The following DNAH7 variants were observed in gnomAD, a reference collection of about 807,000 sequenced individuals.
DNAH7 encodes axonemal beta dynein heavy chain 7.
Under a neutral mutation model 444.6 loss-of-function variants are expected in DNAH7, and 397 were observed. That is an observed-to-expected ratio of 0.89 (90% CI 0.82 to 0.97). The LOEUF (loss-of-function observed/expected upper bound fraction) is 0.97, where lower values mean the gene tolerates loss of function less well. Ranked by LOEUF, DNAH7 falls within the 50% of genes least tolerant of loss-of-function variation. The pLI is 0.00. For synonymous variants in DNAH7, 1,636 were observed against 1,624.4 expected (o/e 1.01, Z -0.17); for missense variants, 4,902 against 4,800.8 (o/e 1.02, Z -0.62).
rs748586368 is a variant in DNAH7 at position 195,872,305 on chromosome 2, GACAA to G, written c.6574_6577del (p.Leu2192GlnfsTer11). 8.7e-6 allele frequency: 14 copies of G among 1,613,688 alleles called. No individual in the cohort carries two copies. The highest frequency in any genetic ancestry group is 3.3e-4 in the Middle Eastern group (2 of 6,080). On this transcript the variant is annotated frameshift_variant, in exon 40 of 65. Transcript: ENST00000312428. LOFTEE classifies it high-confidence loss of function. ...TGTGGTTTCTGTTGTTTCTGGTCTT[GACAA>G]ACAAACACCTTGAATGACACGGGAG...
chr2:195,992,901 C>A (rs1470252794), intron 12 of DNAH7, among the ~76,000 whole-genome samples: 1 of 152,196 alleles, frequency 6.6e-6, no homozygotes, highest in Admixed American at 6.5e-5. Flanking sequence ...CAACTCATTC[C>A]TTCATAGAGG....
chr2:195,946,177 G>A (rs1689790700), intron 19 of DNAH7, among the ~76,000 whole-genome samples: 1 of 152,154 alleles, frequency 6.6e-6, no homozygotes, highest in Non-Finnish European at 1.5e-5. Flanking sequence ...AGTGGGTAGG[G>A]AAGATGAATT....
chr2:195,864,032 G>A, intron 41 of DNAH7, 117 bp downstream of exon 41: 1 of 927,840 alleles, frequency 1.1e-6, no homozygotes, highest in Non-Finnish European at 1.6e-6. Context: ...CTGATCAGAA[G>A]ATTCTGCTAA....
intron 50 of DNAH7, 74 bp downstream of exon 50, chr2:195,817,622 C>G (rs1227999325): frequency 5.6e-6 from 8 of 1,422,692 alleles, no homozygotes; most frequent in Non-Finnish European, 9.4e-7. Flanking sequence ...CAAAAGAGAT[C>G]TGTAAAATGT....
chr2:195,895,157 G>A lies in DNAH7; in HGVS notation c.4715C>T (p.Ala1572Val). ...CATGGAGGCACAATTGTCTTTGATA[G>A]CTGCCAGCAAATCATTGTAATCTGG... is the stretch of plus-strand genomic sequence containing the variant. ...PKPDYNDLLA[A>V]IKDNCASMNL... Residue 1572 changes from alanine (A) to valine (V), a missense_variant, in exon 30 of 65, where the codon GCT becomes GTT. Coordinates refer to ENST00000312428, the MANE Select transcript of DNAH7 (RefSeq NM_018897.3). 1.2e-6 allele frequency: 2 copies of A among 1,613,036 alleles called. No homozygotes were observed. Among genetic ancestry groups the A allele is most frequent in the Non-Finnish European group, 1.7e-6 (2 of 1,179,334 alleles).
Position 195,897,767 on chromosome 2 carries a change from T to TAAAAAAA in DNAH7, c.4549-9_4549-3dup. The TAAAAAAA allele has an allele frequency of 1.7e-6, 2 of 1,145,486 alleles. No homozygotes were observed. Among genetic ancestry groups the TAAAAAAA allele is most frequent in the Non-Finnish European group, 2.4e-6 (2 of 831,640 alleles). The allele number at this position is 1,145,486 out of a possible 1,614,324, so 71.0% of individuals were successfully genotyped here. Reference sequence around the variant, plus strand: ...TTCATTTTCATTTGGATATTTCAGCTAAAAAAAAAAAAAAAAACTCATGAG... The same window carrying TAAAAAAA: ...TTCATTTTCATTTGGATATTTCAGCTAAAAAAAAAAAAAAAAAAAAAAAACTCATGAG... On this transcript the variant is annotated splice_region_variant and splice_polypyrimidine_tract_variant and intron_variant, in intron 28 of 64. Transcript: ENST00000312428.
Position 196,000,884 on chromosome 2 carries a change from C to A in DNAH7, c.1174-1G>T. On this transcript the variant is annotated splice_acceptor_variant, in intron 11 of 64. Coordinates refer to ENST00000312428, the MANE Select transcript of DNAH7 (RefSeq NM_018897.3). LOFTEE classifies it high-confidence loss of function. ...GATGTTCAAAAGCTCTAACAGAATCCTGCAAAAAATTAAAAAATTTACATA... is the reference window on the plus strand; with the variant it reads ...GATGTTCAAAAGCTCTAACAGAATCATGCAAAAAATTAAAAAATTTACATA... The A allele has an allele frequency of 6.4e-7, 1 of 1,555,542 alleles. No individual in the cohort carries two copies. The highest frequency in any genetic ancestry group is 8.7e-7 in the Non-Finnish European group (1 of 1,155,848).
intron 3 of DNAH7, among the ~76,000 whole-genome samples, chr2:196,049,292 A>C (rs1365907870): frequency 6.6e-6 from 1 of 152,208 alleles, no homozygotes. Context: ...GGAAAATAGG[A>C]TAAGAAAACA....
chr2:195,831,263 C>CT (rs1042951247), intron 48 of DNAH7, among the ~76,000 whole-genome samples: 1 of 152,024 alleles, frequency 6.6e-6, no homozygotes, highest in South Asian at 2.1e-4. Flanking sequence ...GGCTTTCAAA[C>CT]TTTTTTTTAA....
At chr2:195,894,607 C>T (rs951631858) in intron 30 of DNAH7, 1 of 164,008 alleles carries the variant, frequency 6.1e-6, no homozygotes, top group African/African-American at 2.4e-5. Context: ...CAGTTCAATA[C>T]CACTAGCAGC....
intron 24 of DNAH7, among the ~76,000 whole-genome samples, chr2:195,916,050 C>G (rs1197374031): frequency 1.3e-5 from 2 of 152,094 alleles, no homozygotes; most frequent in Admixed American, 1.3e-4. Flanking sequence ...GACAAAGGAG[C>G]AAGGGCAATT....
At chr2:195,939,701 C>T (rs1221157397) in intron 19 of DNAH7, among the ~76,000 whole-genome samples, 1 of 152,034 alleles carries the variant, frequency 6.6e-6, no homozygotes, top group Non-Finnish European at 1.5e-5. Flanking sequence ...ACTTCACAAC[C>T]ACCCACCAAT....
chr2:195,995,296 CT>C, intron 12 of DNAH7: 1 of 480,470 alleles, frequency 2.1e-6, no homozygotes. Flanking sequence ...CTCTTTTGTA[CT>C]TTTAGCAGTT....
chr2:195,999,675 T>C (rs1446048099), intron 12 of DNAH7, among the ~76,000 whole-genome samples: 2 of 151,998 alleles, frequency 1.3e-5, no homozygotes, highest in Non-Finnish European at 2.9e-5. Flanking sequence ...TATAAAAGAC[T>C]ATCAAAAACG....
At chr2:195,963,261 C>G (rs1408895066) in intron 17 of DNAH7, among the ~76,000 whole-genome samples, 1 of 152,172 alleles carries the variant, frequency 6.6e-6, no homozygotes, top group Non-Finnish European at 1.5e-5. Flanking sequence ...TTCTCTACAT[C>G]TTTGACAGCA....
chr2:196,018,608 T>C (rs2125746593), intron 9 of DNAH7, among the ~76,000 whole-genome samples: 1 of 152,158 alleles, frequency 6.6e-6, no homozygotes, highest in African/African-American at 2.4e-5. Flanking sequence ...ATCGAAATAA[T>C]TAAAACAAAT....
Position 195,843,936 on chromosome 2 carries a change from A to C in DNAH7, c.8945+1066T>G, listed in dbSNP as rs187783260. ...ACGGTGAAACCCCATCTCTACTAAA[A>C]ATACAAAAAATTAGCCGGGCGTGGT... On this transcript the variant is annotated intron_variant, in intron 47 of 64. Coordinates refer to ENST00000312428, the MANE Select transcript of DNAH7 (RefSeq NM_018897.3). 2.1e-3 allele frequency among the ~76,000 whole-genome samples: 316 copies of C among 152,118 alleles called. 1 individual carries two copies. The highest frequency in any genetic ancestry group is 7.1e-3 in the African/African-American group (296 of 41,492).
In DNAH7 at chr2:195,833,120, G is replaced by GCA. The variant is rs1018570377; in HGVS notation, c.9100+1084_9100+1085dup. On this transcript the variant is annotated intron_variant, in intron 48 of 64. Transcript: ENST00000312428. ...CACTTTCTAATTTTATTACAGTGAT[G>GCA]CACACACACACATATATCTGATCTT... 2.2e-4 allele frequency among the ~76,000 whole-genome samples: 33 copies of GCA among 152,138 alleles called. No homozygotes were observed. The South Asian group carries it at 3.1e-3, about 14-fold the overall frequency.
chr2:196,012,290 G>A (rs540692903), intron 10 of DNAH7, among the ~76,000 whole-genome samples: 3 of 152,136 alleles, frequency 2.0e-5, no homozygotes, highest in Admixed American at 1.3e-4. Flanking sequence ...ATTCCATTCC[G>A]AAAAGCCAAT....
Sources: allele counts gnomAD v4.1 joint callset (sites outside exome capture counted in the v4.1 genomes callset), GRCh38; gene constraint gnomAD v4.1.1; transcripts MANE v1.5; gene names NCBI Gene and HGNC (gene_info 2026-07-23, HGNC 2026-07-21).